The following VCL variants were observed in gnomAD, a reference collection of about 807,000 sequenced individuals.
VCL encodes the protein epididymis luminal protein 114.
VCL carries 47 observed loss-of-function variants against 125.7 expected under a neutral mutation model. The ratio of observed to expected loss-of-function variants is 0.37; its 90% CI spans 0.30 to 0.48. VCL has a LOEUF of 0.48. VCL is among the 20% of genes least tolerant of loss of function. The probability of loss-of-function intolerance (pLI) is 0.99; values close to 1 mark genes in which losing one functional copy is unlikely to be tolerated. For missense variants in VCL, 1,069 were observed against 1,455.5 expected, an observed-to-expected ratio of 0.73 and a Z score of 4.32; for synonymous variants, 458 against 514.6, an observed-to-expected ratio of 0.89 and a Z score of 1.49.
chr10:74,030,899 C>T (rs187754107), intron 1 of VCL, among the ~76,000 whole-genome samples: 3 of 152,284 alleles, frequency 2.0e-5, no homozygotes, highest in African/African-American at 7.2e-5. Context: ...AAAATTGCAA[C>T]CTCTGGCACA....
At chr10:74,000,084 A>G (rs1218138626) in intron 1 of VCL, among the ~76,000 whole-genome samples, 1 of 152,136 alleles carries the variant, frequency 6.6e-6, no homozygotes, top group East Asian at 1.9e-4. Context: ...CTATTTAGAG[A>G]AAAGTTATTT....
chr10:74,114,866 C>A lies in VCL; in HGVS notation c.3225C>A (p.Gly1075=). The part of the protein sequence containing the change: ...ILSTVKATML[G]RTNISDEESE... ...CCACAGTGAAGGCCACCATGCTGGG[C>A]CGGACCAACATCAGTGATGAGGAGT... is the stretch of plus-strand genomic sequence containing the variant. Residue 1075 remains glycine, a synonymous_variant, in exon 21 of 22, where the codon GGC becomes GGA. Coordinates refer to ENST00000211998, the MANE Select transcript of VCL (RefSeq NM_014000.3). 6.2e-7 allele frequency: 1 copy of A among 1,604,230 alleles called. No homozygotes were observed. The highest frequency in any genetic ancestry group is 8.5e-7 in the Non-Finnish European group (1 of 1,175,856).
intron 1 of VCL, chr10:74,027,845 T>A (rs1262108853): frequency 6.6e-6 from 1 of 152,140 alleles, no homozygotes; most frequent in Non-Finnish European, 1.5e-5. Flanking sequence ...TCAGTTGGCA[T>A]TTAATTTCTG....
intron 2 of VCL, among the ~76,000 whole-genome samples, chr10:74,058,602 T>C (rs1465630183): frequency 6.6e-6 from 1 of 151,974 alleles, no homozygotes; most frequent in Non-Finnish European, 1.5e-5. Context: ...TTTTTTTTTT[T>C]GGTGGGAGTG....
intron 1 of VCL, among the ~76,000 whole-genome samples, chr10:74,020,900 A>C (rs1221333589): frequency 6.8e-6 from 1 of 147,550 alleles, no homozygotes; most frequent in African/African-American, 2.5e-5. Flanking sequence ...TCTGTTTATG[A>C]TGTATGTGTG....
At chr10:74,063,646 A>G (rs1405498905) in intron 2 of VCL, 1 of 152,192 alleles carries the variant, frequency 6.6e-6, no homozygotes, top group Non-Finnish European at 1.5e-5. Context: ...GACAAAACAG[A>G]CATTATCAAA....
chr10:73,999,090 C>T (rs1245641211), intron 1 of VCL, among the ~76,000 whole-genome samples: 1 of 152,224 alleles, frequency 6.6e-6, no homozygotes, highest in Non-Finnish European at 1.5e-5. Context: ...TTCCGCTCAG[C>T]CCTGCTGCCC....
Position 74,107,368 on chromosome 10 carries a change from G to C in VCL, c.2559+14G>C. 5 of 1,614,196 alleles carry C rather than the reference G, an allele frequency of 3.1e-6. No homozygotes were observed. The highest frequency in any genetic ancestry group is 4.2e-6 in the Non-Finnish European group (5 of 1,180,042). On this transcript the variant is annotated intron_variant, in intron 17 of 21. Coordinates refer to ENST00000211998, the MANE Select transcript of VCL (RefSeq NM_014000.3). ...GAACAACTCCGAGTAAGTAAATTCA[G>C]ATATGCAGAGAATTGAGCAGGAAGG...
Position 74,114,888 on chromosome 10 carries a change from G to C in VCL, c.3247G>C (p.Glu1083Gln). 6.3e-7 allele frequency: 1 copy of C among 1,594,068 alleles called. No homozygotes were observed. ...GGGCCGGACCAACATCAGTGATGAG[G>C]AGTCTGAGCAGGTATGTGGCAGCTG... ...MLGRTNISDE[E>Q]SEQATEMLVH... Residue 1083 changes from glutamate (E) to glutamine (Q), a missense_variant, in exon 21 of 22, where the codon GAG (glutamate) becomes CAG (glutamine). Coordinates refer to ENST00000211998, the MANE Select transcript of VCL (RefSeq NM_014000.3).
chr10:74,006,963 TTTTA>T (rs1301977651), intron 1 of VCL, among the ~76,000 whole-genome samples: 7 of 152,062 alleles, frequency 4.6e-5, no homozygotes, highest in Non-Finnish European at 4.4e-5. Flanking sequence ...GTCATTTTAT[TTTTA>T]TTTATTTATT....
intron 2 of VCL, among the ~76,000 whole-genome samples, chr10:74,053,429 G>A (rs1841340987): frequency 6.6e-6 from 1 of 151,474 alleles, no homozygotes; most frequent in Non-Finnish European, 1.5e-5. Context: ...ATTCAGTATT[G>A]CTTATTTCTG....
rs1437653403 is a variant in VCL, at chr10:74,072,946, T to C, written c.622+94T>C. On this transcript the variant is annotated intron_variant, in intron 5 of 21. Transcript: ENST00000211998. ...TTTTGTTTTCTTTTGTTTTCTTTTCTTTTTTTTTTTTTTGAGATGAAGTCT... is the reference window on the plus strand; with the variant it reads ...TTTTGTTTTCTTTTGTTTTCTTTTCCTTTTTTTTTTTTTGAGATGAAGTCT... 13 of 403,780 alleles carry C rather than the reference T, an allele frequency of 3.2e-5. No homozygotes were observed. The Admixed American group carries it at 5.5e-4, about 17-fold the overall frequency. 25.0% of individuals were successfully genotyped at this position (403,780 alleles called of 1,614,324 possible). A position where few individuals can be genotyped will look rare whatever the true frequency, so the allele number is the denominator to read the frequency against.
At chr10:74,085,562 C>G (rs1325907503) in intron 8 of VCL, among the ~76,000 whole-genome samples, 1 of 152,088 alleles carries the variant, frequency 6.6e-6, no homozygotes, top group Non-Finnish European at 1.5e-5. Context: ...ACTAAATAAA[C>G]ATAGTTTGCT....
At chr10:74,089,407 A>G (rs1839841433) in intron 9 of VCL, 58 bp downstream of exon 9, 2 of 1,604,648 alleles carry the variant, frequency 1.2e-6, no homozygotes, top group Non-Finnish European at 1.7e-6. Flanking sequence ...CCTAAGTCAT[A>G]AATATCCTAT....
chr10:74,008,685 A>G (rs999784945), intron 1 of VCL, among the ~76,000 whole-genome samples: 19 of 152,160 alleles, frequency 1.2e-4, no homozygotes, highest in Non-Finnish European at 4.4e-5. Context: ...TTAAACCTTT[A>G]GGTCATGGTT....
At chr10:74,066,518 T>G (rs1310521640) in intron 2 of VCL, among the ~76,000 whole-genome samples, 1 of 151,946 alleles carries the variant, frequency 6.6e-6, no homozygotes, top group Non-Finnish European at 1.5e-5. Context: ...CAACAAAAAA[T>G]TGCTTAGGTA....
intron 1 of VCL, among the ~76,000 whole-genome samples, chr10:74,029,812 A>G (rs1173595864): frequency 1.3e-5 from 2 of 152,160 alleles, no homozygotes; most frequent in Non-Finnish European, 2.9e-5. Context: ...TTTAGAATTT[A>G]ATTTGTGTTT....
chr10:74,022,959 C>T (rs553327140), intron 1 of VCL, among the ~76,000 whole-genome samples: 112 of 152,208 alleles, frequency 7.4e-4, no homozygotes, highest in African/African-American at 2.6e-3. Flanking sequence ...CTCTAGATCT[C>T]CAGGGACTCT....
At chr10:74,091,719 G>C (rs1463342808) in intron 10 of VCL, among the ~76,000 whole-genome samples, 1 of 148,170 alleles carries the variant, frequency 6.7e-6, no homozygotes, top group Non-Finnish European at 1.5e-5. Context: ...AACCCAGGAA[G>C]TGGAGGTTGC....
Sources: gnomAD v4.1 joint callset for allele counts (sites outside exome capture counted in the v4.1 genomes callset) on GRCh38, gnomAD v4.1.1 for gene constraint, MANE v1.5 for transcripts, NCBI Gene and HGNC (gene_info 2026-07-23, HGNC 2026-07-21) for gene names.